FAM135B: variants seen among roughly 807,000 people sequenced by gnomAD.
The protein encoded by FAM135B is protein FAM135B.
Under a neutral mutation model 127.7 loss-of-function variants are expected in FAM135B, and 43 were observed. The ratio of observed to expected loss-of-function variants is 0.34; its 90% CI spans 0.26 to 0.43. FAM135B has a LOEUF of 0.43. Ranked by LOEUF, FAM135B falls within the 20% of genes least tolerant of loss-of-function variation. The probability of loss-of-function intolerance (pLI) is 1.00; values close to 1 mark genes in which losing one functional copy is unlikely to be tolerated. For missense variants in FAM135B, 1,558 were observed against 1,725.6 expected (o/e 0.90, Z 1.72); for synonymous variants, 670 against 665.1 (o/e 1.01, Z -0.11).
At position 138,151,988 on chromosome 8, in the gene FAM135B, C is replaced by A. The variant is rs753565189; in HGVS notation, c.2487G>T (p.Leu829=). 3 of 1,613,918 alleles carry A rather than the reference C, an allele frequency of 1.9e-6. No homozygotes were observed. The highest frequency in any genetic ancestry group is 2.5e-6 in the Non-Finnish European group (3 of 1,180,010). ...TGTCAGCATCTAAAACTATCTCCAC[C>A]AGGGGATGGTCTGCTCCAGCATCTG... The part of the protein sequence containing the change: ...SGTDAGADHP[L]VEIVLDADNQ... Residue 829 remains leucine (L), a synonymous_variant, in exon 13 of 20, where the codon CTG becomes CTT. Transcript: ENST00000395297.
At chr8:138,358,739 T>A (rs767810097) in intron 2 of FAM135B, among the ~76,000 whole-genome samples, 1 of 152,186 alleles carries the variant, frequency 6.6e-6, no homozygotes, top group Non-Finnish European at 1.5e-5. Flanking sequence ...GAGACCTCAG[T>A]GAGAACCGTC....
chr8:138,147,672 C>G (rs903973363), intron 14 of FAM135B, among the ~76,000 whole-genome samples: 1 of 152,162 alleles, frequency 6.6e-6, no homozygotes, highest in African/African-American at 2.4e-5. Context: ...GTTTTCATGA[C>G]TTGTTGCCCA....
At chr8:138,336,239 C>A (rs994216633) in intron 2 of FAM135B, among the ~76,000 whole-genome samples, 1 of 151,892 alleles carries the variant, frequency 6.6e-6, no homozygotes, top group Non-Finnish European at 1.5e-5. Flanking sequence ...TAGCAGAAGG[C>A]AAGAAATAAC....
chr8:138,137,544 A>G (rs1816769860), intron 18 of FAM135B, among the ~76,000 whole-genome samples: 1 of 152,168 alleles, frequency 6.6e-6, no homozygotes, highest in Non-Finnish European at 1.5e-5. Flanking sequence ...CAGCCATGAA[A>G]GCTAAGGAGA....
At chr8:138,218,812 AAGAG>A (rs1170409231) in intron 7 of FAM135B, among the ~76,000 whole-genome samples, 1 of 128,242 alleles carries the variant, frequency 7.8e-6, no homozygotes, top group East Asian at 2.3e-4. Context: ...GAGGGAGAGA[AAGAG>A]AGAGAGAGAG....
chr8:138,411,305 G>C (rs1245218708), intron 1 of FAM135B, among the ~76,000 whole-genome samples: 2 of 151,960 alleles, frequency 1.3e-5, no homozygotes, highest in African/African-American at 2.4e-5. Context: ...TAGATCAATG[G>C]AACAGAACAG....
intron 19 of FAM135B, among the ~76,000 whole-genome samples, chr8:138,134,622 T>A: frequency 6.6e-6 from 1 of 152,094 alleles, no homozygotes; most frequent in Non-Finnish European, 1.5e-5. Context: ...TTATGTGAAG[T>A]CAGAGAGGTT....
intron 3 of FAM135B, among the ~76,000 whole-genome samples, chr8:138,277,799 T>C (rs1823947642): frequency 6.6e-6 from 1 of 152,056 alleles, no homozygotes; most frequent in East Asian, 1.9e-4. Context: ...TCAACAACAC[T>C]CGGCAGGCAG....
intron 2 of FAM135B, among the ~76,000 whole-genome samples, chr8:138,351,834 C>T (rs1829805059): frequency 6.6e-6 from 1 of 152,010 alleles, no homozygotes; most frequent in South Asian, 2.1e-4. Flanking sequence ...GGACTACAGG[C>T]ATGTGCTACC....
intron 2 of FAM135B, among the ~76,000 whole-genome samples, chr8:138,357,190 T>G (rs1830142144): frequency 6.6e-6 from 1 of 152,130 alleles, no homozygotes; most frequent in African/African-American, 2.4e-5. Flanking sequence ...TTATGAAAAT[T>G]TGTGCTACTG....
intron 1 of FAM135B, among the ~76,000 whole-genome samples, chr8:138,395,256 T>C (rs545149957): frequency 6.6e-6 from 1 of 152,316 alleles, no homozygotes; most frequent in East Asian, 1.9e-4. Flanking sequence ...CTGTAGCCCC[T>C]CCACAGTCTC....
chr8:138,414,497 A>G (rs1014409606), intron 1 of FAM135B, among the ~76,000 whole-genome samples: 2 of 152,208 alleles, frequency 1.3e-5, no homozygotes, highest in Non-Finnish European at 2.9e-5. Flanking sequence ...TTAGAATTGC[A>G]GACATAAGAA....
intron 7 of FAM135B, among the ~76,000 whole-genome samples, chr8:138,215,939 G>A (rs1563779810): frequency 6.6e-6 from 1 of 152,168 alleles, no homozygotes; most frequent in Admixed American, 6.6e-5. Context: ...GATTCTCTGT[G>A]CTACCCAGAG....
intron 1 of FAM135B, chr8:138,440,742 T>G (rs1564004105): frequency 6.6e-6 from 1 of 152,192 alleles, no homozygotes; most frequent in Non-Finnish European, 1.5e-5. Flanking sequence ...ATTTAAAATC[T>G]ATCACATTTC....
At chr8:138,198,133 G>T (rs114662186) in intron 7 of FAM135B, among the ~76,000 whole-genome samples, 1 of 152,052 alleles carries the variant, frequency 6.6e-6, no homozygotes, top group Admixed American at 6.6e-5. Context: ...TCACGGGGGC[G>T]GGGTTTTTCC....
At chr8:138,462,198 G>A (rs1411694253) in intron 1 of FAM135B, among the ~76,000 whole-genome samples, 1 of 152,028 alleles carries the variant, frequency 6.6e-6, no homozygotes, top group Non-Finnish European at 1.5e-5. Context: ...ATGTATATAT[G>A]TACATATATG....
intron 1 of FAM135B, among the ~76,000 whole-genome samples, chr8:138,375,401 A>C (rs575852071): frequency 6.6e-6 from 1 of 151,688 alleles, no homozygotes; most frequent in East Asian, 1.9e-4. Flanking sequence ...GTGTGTGTGT[A>C]TATGTGTGTA....
At chr8:138,439,503 G>A (rs1835644124) in intron 1 of FAM135B, 1 of 152,180 alleles carries the variant, frequency 6.6e-6, no homozygotes, top group Non-Finnish European at 1.5e-5. Flanking sequence ...CATAACATCA[G>A]AGGAGGACAT....
chr8:138,178,776 T>G, intron 9 of FAM135B, 86 bp from the exon 10 acceptor site: 1 of 1,227,260 alleles, frequency 8.1e-7, no homozygotes, highest in Non-Finnish European at 1.2e-6. Context: ...TACTGACTTT[T>G]CTGTTTTCAA....
Sources: allele counts gnomAD v4.1 joint callset (sites outside exome capture counted in the v4.1 genomes callset), GRCh38; gene constraint gnomAD v4.1.1; transcripts MANE v1.5; gene names NCBI Gene and HGNC (gene_info 2026-07-23, HGNC 2026-07-21).